RPN2: variants seen among roughly 807,000 people sequenced by gnomAD.
The protein encoded by RPN2 is dolichyl-diphosphooligosaccharide--protein glycosyltransferase subunit 2.
In RPN2, 29 loss-of-function variants were observed where a neutral mutation model predicts 71.4. The observed-to-expected ratio is 0.41, with a 90% CI of 0.30 to 0.55. RPN2 has a LOEUF of 0.55. RPN2 is among the 20% of genes least tolerant of loss of function. The pLI, the probability that RPN2 is intolerant of heterozygous loss-of-function variation, is 0.35. For missense variants in RPN2, 726 were observed against 774.1 expected, an observed-to-expected ratio of 0.94 and a Z score of 0.74; for synonymous variants, 308 against 305.0, an observed-to-expected ratio of 1.01 and a Z score of -0.10.
chr20:37,190,135 G>A (rs969882102), intron 2 of RPN2, among the ~76,000 whole-genome samples: 4 of 152,178 alleles, frequency 2.6e-5, no homozygotes, highest in Admixed American at 1.3e-4. Context: ...AGGGGGTCAC[G>A]GAGGAATGAG....
intron 7 of RPN2, among the ~76,000 whole-genome samples, chr20:37,208,433 G>A (rs1029142965): frequency 5.9e-5 from 9 of 151,780 alleles, no homozygotes; most frequent in Admixed American, 1.3e-4. Flanking sequence ...TTTTTGAGAC[G>A]CGGTCTCGCT....
At chr20:37,217,659 C>G (rs2067845295) in intron 9 of RPN2, among the ~76,000 whole-genome samples, 1 of 152,030 alleles carries the variant, frequency 6.6e-6, no homozygotes, top group African/African-American at 2.4e-5. Context: ...ATAGAGTGGT[C>G]TAAAGATGTT....
At chr20:37,216,350 TAA>T (rs2067803279) in intron 9 of RPN2, among the ~76,000 whole-genome samples, 1 of 152,154 alleles carries the variant, frequency 6.6e-6, no homozygotes, top group African/African-American at 2.4e-5. Context: ...AAAAAATAAA[TAA>T]ATAAATAAAA....
intron 7 of RPN2, 99 bp from the exon 8 acceptor site, chr20:37,209,947 CT>C: frequency 6.4e-7 from 1 of 1,565,954 alleles, no homozygotes. Context: ...GGGATTTGCT[CT>C]CCTGCAGAGC....
At chr20:37,232,662 A>G (rs1450469142) in intron 14 of RPN2, among the ~76,000 whole-genome samples, 1 of 152,216 alleles carries the variant, frequency 6.6e-6, no homozygotes, top group African/African-American at 2.4e-5. Context: ...GTGATGCCGT[A>G]GGAGGGTTCA....
chr20:37,184,600 G>A (rs2066965460), intron 2 of RPN2, among the ~76,000 whole-genome samples: 1 of 152,180 alleles, frequency 6.6e-6, no homozygotes, highest in Non-Finnish European at 1.5e-5. Context: ...AGACCAGCCT[G>A]GCCAGTGCAG....
At chr20:37,185,277 A>G (rs929744386) in intron 2 of RPN2, among the ~76,000 whole-genome samples, 2 of 151,320 alleles carry the variant, frequency 1.3e-5, no homozygotes, top group African/African-American at 4.9e-5. Context: ...CTGGGACTAC[A>G]GGTGTGCACC....
chr20:37,236,281 C>T (rs1194540003), intron 15 of RPN2, among the ~76,000 whole-genome samples: 5 of 151,820 alleles, frequency 3.3e-5, no homozygotes, highest in African/African-American at 1.2e-4. Flanking sequence ...TTAATAGACA[C>T]GAGGTCTCAC....
chr20:37,234,037 C>T lies in RPN2; in HGVS notation c.1695C>T (p.Ala565=). The T allele has an allele frequency of 6.2e-7, 1 of 1,614,162 alleles. No homozygotes were observed. The change falls in exon 15 of 17, where the codon GCC becomes GCT. Residue 565 remains alanine (A), a synonymous_variant. Transcript: ENST00000237530. ...TCATTCAGTGGATCCGGATTGGTGC[C>T]AATGTCTCCAACTTCACTTTTGCTC... The part of the protein sequence containing the change: ...LLFALWIRIG[A]NVSNFTFAPS...
intron 4 of RPN2, 143 bp downstream of exon 4, chr20:37,199,368 C>CTG: frequency 9.6e-7 from 1 of 1,042,110 alleles, no homozygotes. Context: ...TGCAAGGCAC[C>CTG]GCAGACATGA....
In RPN2 at chr20:37,195,827, A is replaced by T. The variant is rs77541076; in HGVS notation, c.208-2570A>T. On this transcript the variant is annotated intron_variant, in intron 2 of 16. Coordinates refer to ENST00000237530, the MANE Select transcript of RPN2 (RefSeq NM_002951.5). Reference sequence around the variant, plus strand: ...TTCTCTTCAGATCCCTAATTGATGCAAAGTGAAGTATTTTGTTTGTTTCCT... The same window carrying T: ...TTCTCTTCAGATCCCTAATTGATGCTAAGTGAAGTATTTTGTTTGTTTCCT... Among the ~76,000 whole-genome samples, 377 of 152,234 alleles carry T rather than the reference A, an allele frequency of 2.5e-3. 1 individual carries two copies. The highest frequency in any genetic ancestry group is 8.0e-3 in the African/African-American group (334 of 41,528).
intron 11 of RPN2, among the ~76,000 whole-genome samples, chr20:37,228,162 A>G (rs1489845165): frequency 2.0e-5 from 3 of 152,202 alleles, no homozygotes; most frequent in African/African-American, 7.2e-5. Context: ...GGCCTCTTAC[A>G]GTTCCACCTC....
chr20:37,239,742 G>A (rs1381340576), intron 16 of RPN2, among the ~76,000 whole-genome samples: 1 of 152,154 alleles, frequency 6.6e-6, no homozygotes, highest in Non-Finnish European at 1.5e-5. Flanking sequence ...CCACTCTCCA[G>A]AGAGCTCCCC....
At chr20:37,204,621 T>G in intron 5 of RPN2, 146 bp from the exon 6 acceptor site, 1 of 927,052 alleles carries the variant, frequency 1.1e-6, no homozygotes, top group Non-Finnish European at 1.8e-6. Context: ...AGCACCATTT[T>G]TGAGAAAGTA....
At chr20:37,214,093 A>T (rs1439623086) in intron 9 of RPN2, among the ~76,000 whole-genome samples, 1 of 152,154 alleles carries the variant, frequency 6.6e-6, no homozygotes, top group African/African-American at 2.4e-5. Flanking sequence ...TAAGTTTTTC[A>T]TTTTCCATTA....
At chr20:37,215,121 A>G (rs1051026864) in intron 9 of RPN2, among the ~76,000 whole-genome samples, 3 of 152,142 alleles carry the variant, frequency 2.0e-5, no homozygotes, top group African/African-American at 7.2e-5. Flanking sequence ...TTATTTTACT[A>G]TATACATTGT....
At chr20:37,185,429 C>G (rs1169932907) in intron 2 of RPN2, among the ~76,000 whole-genome samples, 1 of 151,838 alleles carries the variant, frequency 6.6e-6, no homozygotes, top group Non-Finnish European at 1.5e-5. Context: ...GAGCCACCAC[C>G]TGACCAGGAA....
chr20:37,225,849 A>G, intron 11 of RPN2, 47 bp downstream of exon 11: 1 of 1,245,568 alleles, frequency 8.0e-7, no homozygotes, highest in Non-Finnish European at 1.2e-6. Flanking sequence ...ATGTGAATGG[A>G]TACTAGAGTT....
At chr20:37,185,170 G>C (rs1229980051) in intron 2 of RPN2, among the ~76,000 whole-genome samples, 1 of 146,280 alleles carries the variant, frequency 6.8e-6, no homozygotes, top group Non-Finnish European at 1.5e-5. Flanking sequence ...TTGAGACAGA[G>C]TCTGGCTCAC....
Sources: allele counts gnomAD v4.1 joint callset (sites outside exome capture counted in the v4.1 genomes callset), GRCh38; gene constraint gnomAD v4.1.1; transcripts MANE v1.5; gene names NCBI Gene and HGNC (gene_info 2026-07-23, HGNC 2026-07-21).